ZNF76: variants seen among roughly 807,000 people sequenced by gnomAD.
ZNF76 encodes zinc finger protein 523.
A neutral mutation model predicts 66.9 loss-of-function variants in ZNF76; 66 were observed. That is an observed-to-expected ratio of 0.99 (90% CI 0.81 to 1.21). ZNF76 has a LOEUF of 1.21. Among genes scored for constraint, ZNF76 ranks in the 50% most tolerant of loss-of-function variants. The pLI, the probability that ZNF76 is intolerant of heterozygous loss-of-function variation, is 0.00. For missense variants in ZNF76, 729 were observed against 760.3 expected, an observed-to-expected ratio of 0.96 and a Z score of 0.48; for synonymous variants, 275 against 296.1, an observed-to-expected ratio of 0.93 and a Z score of 0.73.
At chr6:35,293,342 G>T (rs1430809936) in intron 11 of ZNF76, among the ~76,000 whole-genome samples, 3 of 152,214 alleles carry the variant, frequency 2.0e-5, no homozygotes, top group African/African-American at 7.2e-5. Context: ...CTCAAGAGAG[G>T]CATGTTCATA....
chr6:35,269,570 G>A (rs938747948), intron 1 of ZNF76, among the ~76,000 whole-genome samples: 3 of 152,134 alleles, frequency 2.0e-5, no homozygotes, highest in Non-Finnish European at 4.4e-5. Flanking sequence ...ACTTTTGGAT[G>A]GTTGATAAAG....
chr6:35,270,058 G>A (rs1786781274), intron 1 of ZNF76, among the ~76,000 whole-genome samples: 1 of 152,210 alleles, frequency 6.6e-6, no homozygotes, highest in African/African-American at 2.4e-5. Context: ...AACAAAGGGA[G>A]TACAAAGCAT....
chr6:35,291,499 G>C, intron 8 of ZNF76, 59 bp from the exon 9 acceptor site: 7 of 1,607,020 alleles, frequency 4.4e-6, no homozygotes, highest in South Asian at 3.3e-5. Flanking sequence ...GCCATCCCCA[G>C]CTTGCTCCAG....
At chr6:35,273,854 TA>T (rs1787505730) in intron 1 of ZNF76, among the ~76,000 whole-genome samples, 2 of 91,724 alleles carry the variant, frequency 2.2e-5, no homozygotes, top group Non-Finnish European at 5.9e-5. Context: ...CTTCTTCTTT[TA>T]AAAAGAAGAA....
chr6:35,291,705 C>T lies in ZNF76; in HGVS notation c.899C>T (p.Thr300Ile), dbSNP rs1224833636. Residue 300 changes from threonine (T) to isoleucine (I), a missense_variant, in exon 9 of 14, where the codon ACC (threonine) becomes ATC (isoleucine). Physicochemically the swap from Thr to Ile is moderately conservative, Grantham distance 89. Coordinates refer to ENST00000373953, the MANE Select transcript of ZNF76 (RefSeq NM_003427.5). ...TGTGGCCGCGGCTTCACCAGCGCCACCAACTATAAGAATCACGTGCGCATC... is the reference window on the plus strand; with the variant it reads ...TGTGGCCGCGGCTTCACCAGCGCCATCAACTATAAGAATCACGTGCGCATC... ...PHCGRGFTSA[T>I]NYKNHVRIHT... 3.7e-6 allele frequency: 6 copies of T among 1,612,140 alleles called. No individual in the cohort carries two copies. Among genetic ancestry groups the T allele is most frequent in the Non-Finnish European group, 5.1e-6 (6 of 1,179,986 alleles).
intron 1 of ZNF76, among the ~76,000 whole-genome samples, chr6:35,264,771 A>T (rs967691291): frequency 2.6e-5 from 4 of 152,056 alleles, no homozygotes; most frequent in African/African-American, 9.7e-5. Context: ...CTAAATTTAA[A>T]AATTAGCACC....
rs58456911 is a variant in ZNF76 at position 35,272,469 on chromosome 6, C to CTGTGTGTG, written c.-96-8551_-96-8544dup. ...TGGGTGACAGAGCAAGACCCTGTTT[C>CTGTGTGTG]TGTGTGTGTGTGTGTGTGTGTGTGT... On this transcript the variant is annotated intron_variant, in intron 1 of 13. Transcript: ENST00000373953. Among the ~76,000 whole-genome samples, 170 of 149,638 alleles carry CTGTGTGTG rather than the reference C, an allele frequency of 1.1e-3. 1 individual carries two copies. The East Asian group carries it at 0.013, about 11-fold the overall frequency.
intron 1 of ZNF76, among the ~76,000 whole-genome samples, chr6:35,273,130 T>C (rs1198932071): frequency 6.7e-6 from 1 of 148,326 alleles, no homozygotes; most frequent in African/African-American, 2.5e-5. Flanking sequence ...CACTCTAGCC[T>C]GGGCAACAGA....
chr6:35,280,516 T>TCCCCCCCCCCC (rs5875514), intron 1 of ZNF76, among the ~76,000 whole-genome samples: 5 of 97,632 alleles, frequency 5.1e-5, no homozygotes, highest in Admixed American at 1.3e-4. Flanking sequence ...TCAAGCATGA[T>TCCCCCCCCCCC]CCCCCCCCCC....
Position 35,287,660 on chromosome 6 carries a change from A to G in ZNF76, c.247A>G (p.Ser83Gly). 1 of 1,612,738 alleles carries G rather than the reference A, an allele frequency of 6.2e-7. No individual in the cohort carries two copies. ...HRTPREGYDP[S>G]TLEAVQLEDG... ...GTTCCCTGCAGAAGGCTATGACCCC[A>G]GCACCCTGGAAGCCGTCCAACTGGA... is the stretch of plus-strand genomic sequence containing the variant. The change falls in exon 5 of 14, where the codon AGC (serine) becomes GGC (glycine). Residue 83 changes from serine to glycine, a missense_variant. Ser to Gly is a moderately conservative substitution (Grantham distance 56). Coordinates refer to ENST00000373953, the MANE Select transcript of ZNF76 (RefSeq NM_003427.5). The surrounding 1 kb of genome is among the most constrained non-coding windows in gnomAD (Gnocchi z 4.0).
chr6:35,288,339 G>A (rs1789892885), intron 5 of ZNF76: 1 of 357,390 alleles, frequency 2.8e-6, no homozygotes, highest in Non-Finnish European at 5.5e-6. Context: ...AGAACAGCTG[G>A]GATTCCTGGA....
rs1353885563 is a variant in ZNF76, at chr6:35,292,529, C to T, written c.932-25C>T. 10 of 1,611,912 alleles carry T rather than the reference C, an allele frequency of 6.2e-6. No homozygotes were observed. The highest frequency in any genetic ancestry group is 8.5e-6 in the Non-Finnish European group (10 of 1,178,982). ...CCCCCTTGCCAGCCCCAGTTCCCACCCCCCTCACAGCCCAGTGTCCCCAGG... is the reference window on the plus strand; with the variant it reads ...CCCCCTTGCCAGCCCCAGTTCCCACTCCCCTCACAGCCCAGTGTCCCCAGG... On this transcript the variant is annotated intron_variant, in intron 9 of 13. Coordinates refer to ENST00000373953, the MANE Select transcript of ZNF76 (RefSeq NM_003427.5). This position sits in a 1 kb window ranked among gnomAD's most constrained non-coding sequence, Gnocchi z 4.7.
chr6:35,291,107 G>T, intron 7 of ZNF76, 171 bp from the exon 8 acceptor site: 1 of 774,756 alleles, frequency 1.3e-6, no homozygotes, highest in South Asian at 1.9e-5. Context: ...CCTGGAGAGG[G>T]AAGCAGGGCA....
At chr6:35,284,302 T>C (rs768370713) in intron 2 of ZNF76, among the ~76,000 whole-genome samples, 2 of 151,982 alleles carry the variant, frequency 1.3e-5, no homozygotes, top group Non-Finnish European at 2.9e-5. Context: ...TGATGTTGGC[T>C]AGACTGGTCT....
intron 12 of ZNF76, 49 bp from the exon 13 acceptor site, chr6:35,294,407 A>G: frequency 8.1e-7 from 1 of 1,230,728 alleles, no homozygotes; most frequent in Non-Finnish European, 1.2e-6. Flanking sequence ...GATTGTGGGG[A>G]GGGAGAGTAT....
chr6:35,265,517 A>G (rs1269846559), intron 1 of ZNF76, among the ~76,000 whole-genome samples: 2 of 148,626 alleles, frequency 1.3e-5, no homozygotes, highest in East Asian at 3.8e-4. Context: ...AAAAAAAAAA[A>G]AAAAAGAAGA....
Position 35,292,320 on chromosome 6 carries a change from G to T in ZNF76, c.932-234G>T. Reference sequence around the variant, plus strand: ...CAGCCCCTTCACTAGCCCCAGCCTTGCCCTGTCCCCCGTTTCCTTTCCGCC... The same window carrying T: ...CAGCCCCTTCACTAGCCCCAGCCTTTCCCTGTCCCCCGTTTCCTTTCCGCC... On this transcript the variant is annotated intron_variant, in intron 9 of 13. Transcript: ENST00000373953. This position sits in a 1 kb window ranked among gnomAD's most constrained non-coding sequence, Gnocchi z 4.7. 5 of 558,878 alleles carry T rather than the reference G, an allele frequency of 8.9e-6. No homozygotes were observed. The highest frequency in any genetic ancestry group is 4.8e-4 in the Middle Eastern group (1 of 2,084). 34.6% of individuals were successfully genotyped at this position (558,878 alleles called of 1,614,324 possible).
chr6:35,284,259 T>A (rs1386028889), intron 2 of ZNF76, among the ~76,000 whole-genome samples: 2 of 149,970 alleles, frequency 1.3e-5, no homozygotes, highest in East Asian at 3.9e-4. Flanking sequence ...GCCTGGTTAA[T>A]TTTTTTGTAT....
intron 1 of ZNF76, among the ~76,000 whole-genome samples, chr6:35,269,754 A>G (rs781468936): frequency 6.6e-6 from 1 of 152,190 alleles, no homozygotes; most frequent in Non-Finnish European, 1.5e-5. Flanking sequence ...ACATGGAGCA[A>G]TGAAGGGGAA....
Sources: allele counts gnomAD v4.1 joint callset (sites outside exome capture counted in the v4.1 genomes callset), GRCh38; gene constraint gnomAD v4.1.1; non-coding constraint Gnocchi (gnomAD v3.1); transcripts MANE v1.5; gene names NCBI Gene and HGNC (gene_info 2026-07-23, HGNC 2026-07-21).